CDIN1: variants seen among roughly 807,000 people sequenced by gnomAD.
CDIN1 encodes CDAN1 interacting nuclease 1.
In CDIN1, 33 loss-of-function variants were observed where a neutral mutation model predicts 45.3. The observed-to-expected ratio is 0.73, with a 90% CI of 0.55 to 0.97. CDIN1 has a LOEUF of 0.97. Among genes scored for constraint, CDIN1 ranks in the 50% least tolerant of loss-of-function variants. CDIN1 has a pLI of 0.00. For synonymous variants in CDIN1, 118 were observed against 124.4 expected (o/e 0.95, Z 0.34); for missense variants, 303 against 339.4 (o/e 0.89, Z 0.84).
At chr15:36,620,025 AT>A in intron 1 of CDIN1, among the ~76,000 whole-genome samples, 1 of 152,204 alleles carries the variant, frequency 6.6e-6, no homozygotes, top group African/African-American at 2.4e-5. Context: ...AATCAGTTTG[AT>A]ACTCAAGGAA....
At chr15:36,619,469 T>TTCTATCTATCTGTCTATCTATCTA (rs370041510) in intron 1 of CDIN1, among the ~76,000 whole-genome samples, 16 of 147,164 alleles carry the variant, frequency 1.1e-4, no homozygotes, top group African/African-American at 4.0e-4. Context: ...GCTGGAGGAT[T>TTCTATCTATCTGTCTATCTATCTA]TCTATCTATC....
chr15:36,605,030 G>A (rs1051038185), intron 1 of CDIN1, among the ~76,000 whole-genome samples: 1 of 152,092 alleles, frequency 6.6e-6, no homozygotes, highest in African/African-American at 2.4e-5. Context: ...CATAATTTAT[G>A]GCTTTATGTT....
intron 1 of CDIN1, among the ~76,000 whole-genome samples, chr15:36,626,290 A>G (rs566751393): frequency 2.6e-4 from 39 of 152,060 alleles, no homozygotes; most frequent in Middle Eastern, 3.4e-3. Context: ...ATTCAAAGTA[A>G]GGATCTGTAA....
Position 36,703,396 on chromosome 15 carries a change from T to TAC in CDIN1, c.545-5826_545-5825insCA, listed in dbSNP as rs2042740512. On this transcript the variant is annotated intron_variant, in intron 8 of 10. Coordinates refer to ENST00000566621, the MANE Select transcript of CDIN1 (RefSeq NM_001321759.2). Reference sequence around the variant, plus strand: ...CATATATATATATATCAGATATATATATATATGATATACATATATATCAGA... The same window carrying TAC: ...CATATATATATATATCAGATATATATACATATATGATATACATATATATCAGA... 1.4e-4 allele frequency among the ~76,000 whole-genome samples: 3 copies of TAC among 22,094 alleles called. 1 individual carries two copies. The allele number at this position is 22,094 out of a possible 152,430, so 14.5% of individuals were successfully genotyped here. A position where few individuals can be genotyped will look rare whatever the true frequency, so the allele number is the denominator to read the frequency against.
intron 1 of CDIN1, chr15:36,616,994 A>G: frequency 1.5e-6 from 1 of 660,806 alleles, no homozygotes; most frequent in Non-Finnish European, 2.7e-6. Flanking sequence ...TTTCAGAACA[A>G]AAACTTATTT....
chr15:36,798,007 ATAGTAGAGAGTTATTAGC>A (rs1484848709), intron 10 of CDIN1, among the ~76,000 whole-genome samples: 7 of 135,932 alleles, frequency 5.1e-5, no homozygotes, highest in African/African-American at 2.0e-4. Context: ...CCTTCATTAT[ATAGTAGAGAGTTATTAGC>A]AAAAAAAAAA....
At chr15:36,724,041 T>C (rs2140889751) in intron 10 of CDIN1, among the ~76,000 whole-genome samples, 1 of 152,292 alleles carries the variant, frequency 6.6e-6, no homozygotes, top group African/African-American at 2.4e-5. Flanking sequence ...ATGAGGTAAA[T>C]GCTAGTATTT....
intron 10 of CDIN1, 107 bp downstream of exon 10, chr15:36,710,068 A>T (rs2043003180): frequency 1.4e-6 from 1 of 693,578 alleles, no homozygotes; most frequent in Non-Finnish European, 2.3e-6. Flanking sequence ...CGTTGTTTCT[A>T]GTAAATACAG....
At position 36,625,527 on chromosome 15, in the gene CDIN1, A is replaced by G. The variant is rs533506928; in HGVS notation, c.102-18751A>G. Reference sequence around the variant, plus strand: ...TATTTTCTGTATAAGCAAAACCAGAAAATATTTGAAATTTAGGGGAAAAAA... The same window carrying G: ...TATTTTCTGTATAAGCAAAACCAGAGAATATTTGAAATTTAGGGGAAAAAA... On this transcript the variant is annotated intron_variant, in intron 1 of 10. Transcript: ENST00000566621. Among the ~76,000 whole-genome samples the G allele has an allele frequency of 2.0e-5, 3 of 152,340 alleles. No homozygotes were observed. The South Asian group carries it at 6.2e-4, about 32-fold the overall frequency.
At chr15:36,686,894 A>G in intron 5 of CDIN1, among the ~76,000 whole-genome samples, 1 of 101,936 alleles carries the variant, frequency 9.8e-6, no homozygotes, top group African/African-American at 3.9e-5. Flanking sequence ...AGGGTGGGAG[A>G]GAGAGAGGGA....
intron 10 of CDIN1, among the ~76,000 whole-genome samples, chr15:36,779,197 C>G (rs924453792): frequency 6.6e-6 from 1 of 152,162 alleles, no homozygotes; most frequent in South Asian, 2.1e-4. Context: ...AAACCACTAC[C>G]AAACAATTAG....
intron 8 of CDIN1, among the ~76,000 whole-genome samples, chr15:36,702,808 C>A (rs925146312): frequency 6.6e-6 from 1 of 152,036 alleles, no homozygotes; most frequent in East Asian, 1.9e-4. Flanking sequence ...TCTTAGCTCA[C>A]AAGGTCACAA....
At chr15:36,655,374 T>A (rs1465223566) in intron 4 of CDIN1, among the ~76,000 whole-genome samples, 1 of 150,298 alleles carries the variant, frequency 6.7e-6, no homozygotes, top group Admixed American at 6.7e-5. Flanking sequence ...GTTGCCAGGC[T>A]GGAGTGCAGT....
intron 1 of CDIN1, among the ~76,000 whole-genome samples, chr15:36,609,806 G>A (rs552996835): frequency 1.3e-5 from 2 of 152,288 alleles, no homozygotes; most frequent in South Asian, 2.1e-4. Context: ...TTGTCCATGT[G>A]GATAGAAAGA....
chr15:36,616,353 G>T (rs973764149), intron 1 of CDIN1, among the ~76,000 whole-genome samples: 1 of 150,494 alleles, frequency 6.6e-6, no homozygotes, highest in Non-Finnish European at 1.5e-5. Flanking sequence ...CACAATCTCT[G>T]CTCACTGCAA....
At chr15:36,706,714 G>T (rs1472315401) in intron 8 of CDIN1, 2 of 152,128 alleles carry the variant, frequency 1.3e-5, no homozygotes, top group Non-Finnish European at 2.9e-5. Context: ...ATGAACCTCA[G>T]ATGAACATGT....
chr15:36,606,369 T>A (rs1471650862), intron 1 of CDIN1, among the ~76,000 whole-genome samples: 1 of 152,112 alleles, frequency 6.6e-6, no homozygotes, highest in Non-Finnish European at 1.5e-5. Flanking sequence ...TGACCACTTC[T>A]TGAAGTGAAT....
At chr15:36,785,907 C>T (rs2141068600) in intron 10 of CDIN1, among the ~76,000 whole-genome samples, 1 of 152,274 alleles carries the variant, frequency 6.6e-6, no homozygotes, top group South Asian at 2.1e-4. Context: ...GCACAGACCC[C>T]TGTAAGAGAC....
chr15:36,699,866 A>G (rs1222731065), intron 8 of CDIN1, among the ~76,000 whole-genome samples: 1 of 152,198 alleles, frequency 6.6e-6, no homozygotes, highest in African/African-American at 2.4e-5. Context: ...ATGTACTGAT[A>G]GGAGTTCATC....
Sources: allele counts gnomAD v4.1 joint callset (sites outside exome capture counted in the v4.1 genomes callset), GRCh38; gene constraint gnomAD v4.1.1; transcripts MANE v1.5; gene names NCBI Gene and HGNC (gene_info 2026-07-23, HGNC 2026-07-21).